MYO1D: variants seen among roughly 807,000 people sequenced by gnomAD.
MYO1D encodes myosin ID.
A neutral mutation model predicts 122.0 loss-of-function variants in MYO1D; 83 were observed. The ratio of observed to expected loss-of-function variants is 0.68; its 90% CI spans 0.57 to 0.82. The LOEUF is 0.82. Ranked by LOEUF, MYO1D falls within the 40% of genes least tolerant of loss-of-function variation. The probability of loss-of-function intolerance (pLI) is 0.00; values close to 1 mark genes in which losing one functional copy is unlikely to be tolerated. For missense variants in MYO1D, 1,157 were observed against 1,269.5 expected, an observed-to-expected ratio of 0.91 and a Z score of 1.35; for synonymous variants, 464 against 446.9, an observed-to-expected ratio of 1.04 and a Z score of -0.48.
chr17:32,569,476 T>C (rs543880419), intron 21 of MYO1D, among the ~76,000 whole-genome samples: 71 of 152,368 alleles, frequency 4.7e-4, no homozygotes, highest in South Asian at 1.0e-3. Context: ...TGTGAAATTC[T>C]TGTGCAGCTC....
At chr17:32,704,857 G>GTAT (rs1335593082) in intron 16 of MYO1D, among the ~76,000 whole-genome samples, 1 of 152,070 alleles carries the variant, frequency 6.6e-6, no homozygotes, top group East Asian at 1.9e-4. Flanking sequence ...TAACAAAAAA[G>GTAT]TATTACACAA....
chr17:32,640,000 G>A (rs1369038001), intron 19 of MYO1D, among the ~76,000 whole-genome samples: 2 of 152,118 alleles, frequency 1.3e-5, no homozygotes, highest in Non-Finnish European at 2.9e-5. Flanking sequence ...AGGATATATT[G>A]CTATAGGGAG....
intron 21 of MYO1D, among the ~76,000 whole-genome samples, chr17:32,511,507 C>G (rs1056808777): frequency 1.3e-5 from 2 of 151,124 alleles, no homozygotes; most frequent in African/African-American, 2.5e-5. Flanking sequence ...ATATCCAGCT[C>G]CCCCCGCGAA....
intron 21 of MYO1D, among the ~76,000 whole-genome samples, chr17:32,553,118 A>G (rs1371891643): frequency 4.6e-5 from 7 of 151,996 alleles, no homozygotes; most frequent in Non-Finnish European, 8.8e-5. Context: ...AAAAAAACAA[A>G]AAAACCAGCA....
At chr17:32,642,362 C>T (rs1277077134) in intron 19 of MYO1D, among the ~76,000 whole-genome samples, 2 of 152,042 alleles carry the variant, frequency 1.3e-5, no homozygotes, top group East Asian at 3.9e-4. Context: ...AGTCAGGTAG[C>T]GTGACGCCTC....
intron 21 of MYO1D, among the ~76,000 whole-genome samples, chr17:32,563,863 T>G (rs1291776803): frequency 6.6e-6 from 1 of 152,246 alleles, no homozygotes. Context: ...AACATTTGAC[T>G]TAGCGTATTT....
In MYO1D at chr17:32,831,267, T is replaced by A. The variant is rs1406147935; in HGVS notation, c.95+45511A>T. Among the ~76,000 whole-genome samples the A allele has an allele frequency of 5.9e-5, 9 of 152,294 alleles. No individual in the cohort carries two copies. The South Asian group carries it at 1.9e-3, about 32-fold the overall frequency. On this transcript the variant is annotated intron_variant, in intron 1 of 21. Transcript: ENST00000318217. ...AGAGAATAACATTTTTTGAAGCACA[T>A]GATATTCGCTTGGAGGAGAAAGAAA...
chr17:32,569,662 A>G (rs1268662821), intron 21 of MYO1D, among the ~76,000 whole-genome samples: 1 of 152,160 alleles, frequency 6.6e-6, no homozygotes, highest in African/African-American at 2.4e-5. Flanking sequence ...AGTCTTGGAG[A>G]GATGAGCAAT....
At chr17:32,494,988 C>T (rs765991768) in intron 21 of MYO1D, 73 bp from the exon 22 acceptor site, 80 of 1,464,540 alleles carry the variant, frequency 5.5e-5, no homozygotes, top group Admixed American at 1.1e-4. Context: ...CGGCAGCTCC[C>T]GGCCACCATT....
intron 1 of MYO1D, among the ~76,000 whole-genome samples, chr17:32,808,512 C>G (rs1447239740): frequency 6.6e-6 from 1 of 152,110 alleles, no homozygotes; most frequent in Non-Finnish European, 1.5e-5. Flanking sequence ...CCGACTATAA[C>G]CAATGCTATC....
chr17:32,631,979 A>G (rs1045186712), intron 20 of MYO1D, among the ~76,000 whole-genome samples: 1 of 152,238 alleles, frequency 6.6e-6, no homozygotes, highest in Non-Finnish European at 1.5e-5. Flanking sequence ...CTCTGAGGGA[A>G]CAGAATGCTC....
intron 21 of MYO1D, among the ~76,000 whole-genome samples, chr17:32,560,528 C>CATATATATATATATATATATATATAT (rs56214129): frequency 1.5e-5 from 1 of 65,436 alleles, no homozygotes; most frequent in Non-Finnish European, 3.2e-5. Context: ...CCAGAGACAA[C>CATATATATATATATATATATATATAT]ATATATATAT....
chr17:32,776,073 AC>A (rs765775126), intron 3 of MYO1D, 44 bp from the exon 4 acceptor site: 2 of 1,555,974 alleles, frequency 1.3e-6, no homozygotes, highest in Non-Finnish European at 1.7e-6. Flanking sequence ...ACTTATAGAG[AC>A]TAGAATTTTT....
chr17:32,618,210 G>A (rs1372644612), intron 20 of MYO1D, among the ~76,000 whole-genome samples: 4 of 152,108 alleles, frequency 2.6e-5, no homozygotes, highest in Non-Finnish European at 4.4e-5. Flanking sequence ...CAGTATAATC[G>A]ACTTTATTCC....
chr17:32,740,818 C>A (rs1483149009), intron 13 of MYO1D, among the ~76,000 whole-genome samples: 1 of 152,052 alleles, frequency 6.6e-6, no homozygotes, highest in African/African-American at 2.4e-5. Context: ...ATTTTAAATA[C>A]CAGAACCCTT....
At chr17:32,654,103 G>T (rs1188078213) in intron 18 of MYO1D, among the ~76,000 whole-genome samples, 156 bp from the exon 19 acceptor site, 1 of 152,210 alleles carries the variant, frequency 6.6e-6, no homozygotes, top group Admixed American at 6.5e-5. Context: ...AATGGTTGTT[G>T]TAACATCAAA....
intron 1 of MYO1D, among the ~76,000 whole-genome samples, chr17:32,837,059 T>C (rs977795016): frequency 1.3e-5 from 2 of 152,084 alleles, no homozygotes; most frequent in African/African-American, 2.4e-5. Flanking sequence ...TTTTCCTTTT[T>C]TTTAAATGGT....
chr17:32,563,749 A>C (rs2150891824), intron 21 of MYO1D, among the ~76,000 whole-genome samples: 1 of 152,354 alleles, frequency 6.6e-6, no homozygotes, highest in East Asian at 1.9e-4. Context: ...GAAGGAGCTG[A>C]ACAGTCGCGT....
chr17:32,571,404 G>T (rs570779180), intron 21 of MYO1D, among the ~76,000 whole-genome samples: 2 of 152,226 alleles, frequency 1.3e-5, no homozygotes, highest in African/African-American at 4.8e-5. Flanking sequence ...CTGCTCCCCT[G>T]GGCTGTTCCC....
Sources: gnomAD v4.1 joint callset for allele counts (sites outside exome capture counted in the v4.1 genomes callset) on GRCh38, gnomAD v4.1.1 for gene constraint, MANE v1.5 for transcripts, NCBI Gene and HGNC (gene_info 2026-07-23, HGNC 2026-07-21) for gene names.